The following HSF5 variants were observed in gnomAD, a reference collection of about 807,000 sequenced individuals.
HSF5 encodes heat shock transcription factor 5.
HSF5 carries 5 observed loss-of-function variants against 50.8 expected under a neutral mutation model. The observed-to-expected ratio is 0.10, with a 90% confidence interval of 0.05 to 0.21. HSF5 has a LOEUF of 0.21. Ranked by LOEUF, HSF5 falls within the 10% of genes least tolerant of loss-of-function variation. The pLI, the probability that HSF5 is intolerant of heterozygous loss-of-function variation, is 1.00. For synonymous variants in HSF5, 307 were observed against 307.4 expected, an observed-to-expected ratio of 1.00 and a Z score of 0.02; for missense variants, 564 against 762.6, an observed-to-expected ratio of 0.74 and a Z score of 3.07.
At chr17:58,479,550 G>A (rs566986196) in intron 2 of HSF5, among the ~76,000 whole-genome samples, 6 of 152,126 alleles carry the variant, frequency 3.9e-5, no homozygotes, top group African/African-American at 1.2e-4. Context: ...TGATGCACCC[G>A]CCTCAGCCTC....
At chr17:58,452,193 T>C (rs761969263) in intron 5 of HSF5, among the ~76,000 whole-genome samples, 1 of 151,910 alleles carries the variant, frequency 6.6e-6, no homozygotes, top group Non-Finnish European at 1.5e-5. Flanking sequence ...AAGGTTGCAG[T>C]GAGCTATTAT....
At chr17:58,433,610 T>A (rs969670673) in intron 5 of HSF5, among the ~76,000 whole-genome samples, 1 of 152,052 alleles carries the variant, frequency 6.6e-6, no homozygotes, top group East Asian at 1.9e-4. Flanking sequence ...AGTTGGCCAG[T>A]GAAAACTAGG....
chr17:58,467,380 A>C (rs1293956149), intron 2 of HSF5, among the ~76,000 whole-genome samples: 1 of 152,250 alleles, frequency 6.6e-6, no homozygotes, highest in Non-Finnish European at 1.5e-5. Context: ...GTTTTAAAAG[A>C]GTAAAATAAC....
At chr17:58,430,391 G>C (rs956454609) in intron 5 of HSF5, among the ~76,000 whole-genome samples, 9 of 152,130 alleles carry the variant, frequency 5.9e-5, no homozygotes, top group African/African-American at 2.2e-4. Context: ...ATTATCTTTG[G>C]ATATGTGTCT....
intron 5 of HSF5, among the ~76,000 whole-genome samples, chr17:58,426,301 G>C (rs1447007566): frequency 6.6e-6 from 1 of 152,214 alleles, no homozygotes; most frequent in Non-Finnish European, 1.5e-5. Context: ...ATTAAAGCAA[G>C]CTTCCTTCAT....
intron 5 of HSF5, among the ~76,000 whole-genome samples, chr17:58,428,402 G>GT (rs201742508): frequency 0.011 from 1,677 of 152,310 alleles, 15 homozygotes; most frequent in Middle Eastern, 0.041. Context: ...GCTCACGTCT[G>GT]TAATCCCAAC....
chr17:58,440,372 A>G lies in HSF5; in HGVS notation c.1721-17942T>C, dbSNP rs187119828. Among the ~76,000 whole-genome samples, 77 of 152,302 alleles carry G rather than the reference A, an allele frequency of 5.1e-4. 1 individual carries two copies. Among genetic ancestry groups the G allele is most frequent in the South Asian group, 4.1e-4 (2 of 4,826 alleles). ...AGGAGAGGATGAACCACAGGGAAACAAGCCCTTGCACAGTTTGTGGTCAGA... is the reference window on the plus strand; with the variant it reads ...AGGAGAGGATGAACCACAGGGAAACGAGCCCTTGCACAGTTTGTGGTCAGA... On this transcript the variant is annotated intron_variant, in intron 5 of 5. Transcript: ENST00000323777.
chr17:58,434,426 G>GT (rs1974400612), intron 5 of HSF5, among the ~76,000 whole-genome samples: 1 of 151,934 alleles, frequency 6.6e-6, no homozygotes, highest in Non-Finnish European at 1.5e-5. Context: ...GCGCGTGCCT[G>GT]TAATTCCAGC....
In HSF5 at chr17:58,459,373, C is replaced by T. The variant is rs571977222; in HGVS notation, c.1543-428G>A. On this transcript the variant is annotated intron_variant, in intron 4 of 5. Coordinates refer to ENST00000323777, the MANE Select transcript of HSF5 (RefSeq NM_001080439.3). ...TTAAAAAGTTTTTTTGTAGGCCGGG[C>T]GCGGTAGCTCACAGCTGTAATCCCA... Among the ~76,000 whole-genome samples the T allele has an allele frequency of 1.4e-4, 21 of 151,984 alleles. No individual in the cohort carries two copies. The South Asian group carries it at 2.7e-3, about 20-fold the overall frequency.
intron 5 of HSF5, 90 bp downstream of exon 5, chr17:58,458,678 A>T: frequency 9.5e-7 from 1 of 1,051,924 alleles, no homozygotes; most frequent in South Asian, 1.7e-5. Context: ...AATTATGAAT[A>T]ATAAATGGAG....
chr17:58,477,730 G>T (rs1975036813), intron 2 of HSF5, among the ~76,000 whole-genome samples: 1 of 151,924 alleles, frequency 6.6e-6, no homozygotes, highest in Admixed American at 6.6e-5. Context: ...AAAGTGTTGG[G>T]ATTATAGGCA....
At chr17:58,471,619 TTC>T (rs1389678756) in intron 2 of HSF5, among the ~76,000 whole-genome samples, 2 of 47,258 alleles carry the variant, frequency 4.2e-5, no homozygotes, top group African/African-American at 2.1e-4. Flanking sequence ...TTCCTTTTCT[TTC>T]TTTTTTTTTT....
At chr17:58,461,801 T>G (rs1268407835) in intron 4 of HSF5, among the ~76,000 whole-genome samples, 2 of 151,884 alleles carry the variant, frequency 1.3e-5, no homozygotes, top group Non-Finnish European at 2.9e-5. Flanking sequence ...ACCCAGGAGG[T>G]GGAGGCTGCA....
At chr17:58,449,972 G>A (rs1199068556) in intron 5 of HSF5, among the ~76,000 whole-genome samples, 5 of 138,438 alleles carry the variant, frequency 3.6e-5, no homozygotes, top group Admixed American at 7.5e-5. Context: ...GCAGTGAGCC[G>A]AGATCCCGCC....
At chr17:58,478,991 G>A (rs957321801) in intron 2 of HSF5, among the ~76,000 whole-genome samples, 1 of 151,438 alleles carries the variant, frequency 6.6e-6, no homozygotes, top group African/African-American at 2.4e-5. Flanking sequence ...ATCTACCAGC[G>A]TGTTCTCAAT....
chr17:58,475,492 T>C (rs1567917528), intron 2 of HSF5, among the ~76,000 whole-genome samples: 1 of 152,210 alleles, frequency 6.6e-6, no homozygotes, highest in East Asian at 1.9e-4. Context: ...AGGGCTCAAG[T>C]CATCATTAGC....
Position 58,477,077 on chromosome 17 carries a change from G to A in HSF5, c.925+2816C>T, listed in dbSNP as rs569704258. 10 of 482,486 alleles carry A rather than the reference G, an allele frequency of 2.1e-5. No homozygotes were observed. In the East Asian group the frequency reaches 2.2e-4, roughly 10 times the overall value. 29.9% of individuals were successfully genotyped at this position (482,486 alleles called of 1,614,324 possible). A position where few individuals can be genotyped will look rare whatever the true frequency, so the allele number is the denominator to read the frequency against. On this transcript the variant is annotated intron_variant, in intron 2 of 5. Coordinates refer to ENST00000323777, the MANE Select transcript of HSF5 (RefSeq NM_001080439.3). ...CACCTCCTCCCAGCGCTGCCCTCGC[G>A]GCCTGACGACAGGTATGGGCTAGGG... is the stretch of plus-strand genomic sequence containing the variant.
intron 5 of HSF5, among the ~76,000 whole-genome samples, chr17:58,449,762 G>A (rs1283932501): frequency 2.6e-5 from 4 of 151,020 alleles, no homozygotes; most frequent in Admixed American, 1.3e-4. Context: ...GGTGGCTCAC[G>A]CCTGTAATCC....
intron 4 of HSF5, among the ~76,000 whole-genome samples, 196 bp downstream of exon 4, chr17:58,462,586 A>AGAT (rs1371149304): frequency 3.3e-5 from 5 of 152,190 alleles, no homozygotes; most frequent in Non-Finnish European, 7.3e-5. Context: ...TAATATAGTG[A>AGAT]GATGATGCTT....
Sources: allele counts gnomAD v4.1 joint callset (sites outside exome capture counted in the v4.1 genomes callset), GRCh38; gene constraint gnomAD v4.1.1; transcripts MANE v1.5; gene names NCBI Gene and HGNC (gene_info 2026-07-23, HGNC 2026-07-21).